HVCN1: variants seen among roughly 807,000 people sequenced by gnomAD.
HVCN1 encodes the protein voltage-gated hydrogen channel 1.
In HVCN1, 14 loss-of-function variants were observed where a neutral mutation model predicts 29.2. The ratio of observed to expected loss-of-function variants is 0.48; its 90% CI spans 0.32 to 0.75. The LOEUF (loss-of-function observed/expected upper bound fraction) is 0.75, where lower values mean the gene tolerates loss of function less well. Ranked by LOEUF, HVCN1 falls within the 30% of genes least tolerant of loss-of-function variation. The pLI is 0.04. For missense variants in HVCN1, 263 were observed against 341.8 expected (o/e 0.77, Z 1.82); for synonymous variants, 131 against 133.2 (o/e 0.98, Z 0.11).
At position 110,658,023 on chromosome 12, in the gene HVCN1, G is replaced by T. The variant is rs1009410259; in HGVS notation, c.307-2685C>A. 2.0e-5 allele frequency among the ~76,000 whole-genome samples: 3 copies of T among 152,172 alleles called. No individual in the cohort carries two copies. Among genetic ancestry groups the T allele is most frequent in the African/African-American group, 7.2e-5 (3 of 41,440 alleles). On this transcript the variant is annotated intron_variant, in intron 4 of 7. Coordinates refer to ENST00000242607, the MANE Select transcript of HVCN1 (RefSeq NM_032369.4). This position sits in a 1 kb window ranked among gnomAD's most constrained non-coding sequence, Gnocchi z 5.0. Reference sequence around the variant, plus strand: ...CCCAGAGCAACAATGGGAGCATGACGTGAGTGAAGTATGAAGGGCGCTTAG... The same window carrying T: ...CCCAGAGCAACAATGGGAGCATGACTTGAGTGAAGTATGAAGGGCGCTTAG...
In HVCN1 at chr12:110,683,240, G is replaced by A; in HGVS notation, c.6C>T (p.Ala2=). 6.2e-7 allele frequency: 1 copy of A among 1,611,036 alleles called. No individual in the cohort carries two copies. Among genetic ancestry groups the A allele is most frequent in the East Asian group, 2.2e-5 (1 of 44,822 alleles). ...AATCCATTACCTTTTCGTCCCAGGT[G>A]GCCATGTCCCTGTTGCCTCTGGATC... The part of the protein sequence containing the change: M[A]TWDEKAVTRR... Residue 2 remains alanine (A), a synonymous_variant, in exon 3 of 8, where the codon GCC becomes GCT. Transcript: ENST00000242607.
chr12:110,699,517 T>A (rs1361435947), intron 2 of HVCN1, among the ~76,000 whole-genome samples: 1 of 151,994 alleles, frequency 6.6e-6, no homozygotes, highest in East Asian at 1.9e-4. Flanking sequence ...CTGGTTTTGT[T>A]GTCTGCAGCC....
Position 110,650,136 on chromosome 12 carries a change from C to T in HVCN1, c.756+32G>A, listed in dbSNP as rs772495124. The T allele has an allele frequency of 3.0e-5, 44 of 1,443,124 alleles. 1 individual carries two copies. Among genetic ancestry groups the T allele is most frequent in the African/African-American group, 1.3e-4 (9 of 71,576 alleles). 89.4% of individuals were successfully genotyped at this position (1,443,124 alleles called of 1,614,324 possible). A position where few individuals can be genotyped will look rare whatever the true frequency, so the allele number is the denominator to read the frequency against. ...CTAGGATTACAGGCATGAGCCACCACGCCTGGTCCCCAGATGTGTCGTCTT... is the reference window on the plus strand; with the variant it reads ...CTAGGATTACAGGCATGAGCCACCATGCCTGGTCCCCAGATGTGTCGTCTT... On this transcript the variant is annotated intron_variant, in intron 7 of 7. Transcript: ENST00000242607.
intron 3 of HVCN1, among the ~76,000 whole-genome samples, chr12:110,669,032 C>T (rs949921144): frequency 5.3e-5 from 8 of 151,952 alleles, no homozygotes; most frequent in African/African-American, 1.7e-4. Flanking sequence ...GCTGTGTTCT[C>T]GGTGCCGTTC....
rs538743955 is a variant in HVCN1, at chr12:110,672,429, C to T, written c.21+10796G>A. 6.6e-5 allele frequency among the ~76,000 whole-genome samples: 10 copies of T among 152,360 alleles called. No individual in the cohort carries two copies. The South Asian group carries it at 1.9e-3, about 28-fold the overall frequency. On this transcript the variant is annotated intron_variant, in intron 3 of 7. Transcript: ENST00000242607. ...AGGACACCATGGAAGACCCACACCA[C>T]AGAGCACCACACCACTGTGTGGCAG...
intron 4 of HVCN1, among the ~76,000 whole-genome samples, chr12:110,659,194 C>A (rs1325829445): frequency 6.9e-6 from 1 of 145,698 alleles, no homozygotes; most frequent in African/African-American, 2.8e-5. Flanking sequence ...AAAAAAAAGA[C>A]CAAAATAATT....
At chr12:110,697,808 C>T (rs1431659509) in intron 2 of HVCN1, among the ~76,000 whole-genome samples, 2 of 152,026 alleles carry the variant, frequency 1.3e-5, no homozygotes, top group Non-Finnish European at 2.9e-5. Context: ...CACACCACCA[C>T]GCCTGGCTAA....
intron 3 of HVCN1, among the ~76,000 whole-genome samples, chr12:110,671,896 G>A (rs1017194149): frequency 2.0e-5 from 3 of 152,186 alleles, no homozygotes; most frequent in African/African-American, 4.8e-5. Flanking sequence ...ACTGAGGCCT[G>A]GGGAGGCGAG....
At chr12:110,688,278 G>A (rs1014509090) in intron 2 of HVCN1, 1 of 152,306 alleles carries the variant, frequency 6.6e-6, no homozygotes, top group African/African-American at 2.4e-5. Flanking sequence ...AAGTCACGAA[G>A]CTGAGCCTGC....
chr12:110,649,890 G>C lies in HVCN1; in HGVS notation c.756+278C>G, dbSNP rs987925036. The stretch of plus-strand genomic sequence containing the variant: ...GACAGAGTTTTGCTCTTGTTGCTCA[G>C]GCTGGAGTGCAATGGCGCGATCTTG... On this transcript the variant is annotated intron_variant, in intron 7 of 7. Coordinates refer to ENST00000242607, the MANE Select transcript of HVCN1 (RefSeq NM_032369.4). Among the ~76,000 whole-genome samples, 9 of 152,120 alleles carry C rather than the reference G, an allele frequency of 5.9e-5. No homozygotes were observed. In the South Asian group the frequency reaches 6.2e-4, roughly 11 times the overall value.
intron 3 of HVCN1, among the ~76,000 whole-genome samples, chr12:110,679,681 A>G (rs534237820): frequency 7.9e-5 from 12 of 152,076 alleles, no homozygotes; most frequent in African/African-American, 2.7e-4. Flanking sequence ...GTGAAACCCC[A>G]TCTCTACTAA....
rs1351173953 is a variant in HVCN1 at position 110,649,278 on chromosome 12, A to C, written c.*132T>G. ...ACAAGGCTGTGTCCACCCAGAATCCATGCTGGCAGGAGGGAGGCAGAGGTA... is the reference window on the plus strand; with the variant it reads ...ACAAGGCTGTGTCCACCCAGAATCCCTGCTGGCAGGAGGGAGGCAGAGGTA... On this transcript the variant is annotated 3_prime_UTR_variant, in exon 8 of 8. Transcript: ENST00000242607. 8.2e-6 allele frequency: 6 copies of C among 729,672 alleles called. No homozygotes were observed. The highest frequency in any genetic ancestry group is 1.5e-5 in the Non-Finnish European group (6 of 407,798). The allele number at this position is 729,672 out of a possible 1,614,324, so 45.2% of individuals were successfully genotyped here.
At chr12:110,671,438 G>T (rs529026313) in intron 3 of HVCN1, among the ~76,000 whole-genome samples, 21 of 152,318 alleles carry the variant, frequency 1.4e-4, no homozygotes, top group African/African-American at 5.1e-4. Flanking sequence ...TGGGATGGAA[G>T]AGGCCTGGGA....
At chr12:110,694,150 C>G (rs1208612372), upstream of HVCN1, among the ~76,000 whole-genome samples, 1 of 152,210 alleles carries the variant, frequency 6.6e-6, no homozygotes. This position sits in a 1 kb window ranked among gnomAD's most constrained non-coding sequence, Gnocchi z 4.6. Context: ...TCGGCCTTGA[C>G]CACCTGGACT....
In HVCN1 at chr12:110,676,674, G is replaced by A. The variant is rs1050500909; in HGVS notation, c.21+6551C>T. On this transcript the variant is annotated intron_variant, in intron 3 of 7. Coordinates refer to ENST00000242607, the MANE Select transcript of HVCN1 (RefSeq NM_032369.4). The surrounding 1 kb of genome is among the most constrained non-coding windows in gnomAD (Gnocchi z 4.1). ...CACATCTTGTCACAACTCCCTGCTG[G>A]AGGAAATAAGTGTGACCCCAAGGAC... 3.3e-5 allele frequency among the ~76,000 whole-genome samples: 5 copies of A among 152,130 alleles called. No individual in the cohort carries two copies. Among genetic ancestry groups the A allele is most frequent in the African/African-American group, 1.2e-4 (5 of 41,436 alleles).
In HVCN1 at chr12:110,650,317, C is replaced by CTAACT; in HGVS notation, c.644-42_644-38dup. ...TTGGGGGTCTCAGTGATACTGGTTT[C>CTAACT]TAACTTAACCACTCAGGAAAAAAAT... is the stretch of plus-strand genomic sequence containing the variant. On this transcript the variant is annotated intron_variant, in intron 6 of 7. Transcript: ENST00000242607. 2 of 1,308,174 alleles carry CTAACT rather than the reference C, an allele frequency of 1.5e-6. 1 individual carries two copies. The highest frequency in any genetic ancestry group is 3.4e-5 in the Admixed American group (2 of 59,038). The allele number at this position is 1,308,174 out of a possible 1,614,324, so 81.0% of individuals were successfully genotyped here. A position where few individuals can be genotyped will look rare whatever the true frequency, so the allele number is the denominator to read the frequency against.
chr12:110,666,044 G>C (rs759094386), intron 3 of HVCN1, among the ~76,000 whole-genome samples: 39 of 151,552 alleles, frequency 2.6e-4, no homozygotes, highest in Non-Finnish European at 5.3e-4. Flanking sequence ...GATCCAGATG[G>C]ATATTTTAGA....
intron 3 of HVCN1, among the ~76,000 whole-genome samples, chr12:110,664,097 T>C (rs938245348): frequency 1.3e-5 from 2 of 152,102 alleles, no homozygotes; most frequent in African/African-American, 4.8e-5. Flanking sequence ...AAACAATTAT[T>C]TTTTTAGAGA....
intron 3 of HVCN1, among the ~76,000 whole-genome samples, chr12:110,673,547 C>A (rs1385691376): frequency 6.6e-6 from 1 of 152,168 alleles, no homozygotes; most frequent in Non-Finnish European, 1.5e-5. Flanking sequence ...TGTCTCCAGG[C>A]CATGTCAGAG....
Sources: gnomAD v4.1 joint callset for allele counts (sites outside exome capture counted in the v4.1 genomes callset) on GRCh38, gnomAD v4.1.1 for gene constraint, Gnocchi (gnomAD v3.1) non-coding constraint, MANE v1.5 for transcripts, NCBI Gene and HGNC (gene_info 2026-07-23, HGNC 2026-07-21) for gene names.